The following EEF2 variants were observed in gnomAD, a reference collection of about 807,000 sequenced individuals.
EEF2 encodes the protein eukaryotic translation elongation factor 2, also known as elongation factor 2.
Under a neutral mutation model 85.3 loss-of-function variants are expected in EEF2, and 21 were observed. The observed-to-expected ratio is 0.25, with a 90% CI of 0.17 to 0.35. EEF2 has a LOEUF of 0.35. Among genes scored for constraint, EEF2 ranks in the 10% least tolerant of loss-of-function variants. The probability of loss-of-function intolerance (pLI) is 1.00; values close to 1 mark genes in which losing one functional copy is unlikely to be tolerated. For missense variants in EEF2, 825 were observed against 1,225.3 expected (o/e 0.67, Z 4.88); for synonymous variants, 723 against 508.8 (o/e 1.42, Z -5.67).
At chr19:3,984,569 C>A (rs1266921055) in intron 1 of EEF2, among the ~76,000 whole-genome samples, 1 of 152,152 alleles carries the variant, frequency 6.6e-6, no homozygotes, top group Non-Finnish European at 1.5e-5. Flanking sequence ...GATTGACAAC[C>A]CAGAAATAAA....
chr19:3,980,186 G>A, intron 9 of EEF2, 120 bp from the exon 10 acceptor site: 1 of 1,389,640 alleles, frequency 7.2e-7, no homozygotes, highest in Non-Finnish European at 9.6e-7. Context: ...CAGACTGGTG[G>A]CTTCCACAAG....
chr19:3,985,114 T>G (rs2039803508), intron 1 of EEF2: 1 of 393,134 alleles, frequency 2.5e-6, no homozygotes, highest in African/African-American at 2.1e-5. Flanking sequence ...CACATCATCA[T>G]TCCCCACCCC....
Position 3,977,370 on chromosome 19 carries a change from T to C in EEF2, c.2251-23A>G. The C allele has an allele frequency of 2.5e-6, 4 of 1,591,064 alleles. No homozygotes were observed. Among genetic ancestry groups the C allele is most frequent in the Non-Finnish European group, 1.7e-6 (2 of 1,169,344 alleles). On this transcript the variant is annotated intron_variant, in intron 13 of 14. Transcript: ENST00000309311. This position sits in a 1 kb window ranked among gnomAD's most constrained non-coding sequence, Gnocchi z 5.4. ...ACACTGCCAGAAGGGAAAGAAAACC[T>C]GTCAGTGGCCGCTGGGCAGGACGGT... is the stretch of plus-strand genomic sequence containing the variant.
Position 3,979,407 on chromosome 19 carries a change from GATA to G in EEF2, c.1632_1634del (p.Ile546del). 6.2e-7 allele frequency: 1 copy of G among 1,613,936 alleles called. No individual in the cohort carries two copies. The highest frequency in any genetic ancestry group is 8.5e-7 in the Non-Finnish European group (1 of 1,180,018). On this transcript the variant is annotated inframe_deletion, in exon 11 of 15. Coordinates refer to ENST00000309311, the MANE Select transcript of EEF2 (RefSeq NM_001961.4). The stretch of plus-strand genomic sequence containing the variant: ...GGTGCAGCTCGCCGGCGCCCGCGAT[GATA>G]TGCTCTCCCGACTCCTCGATGATGC...
At position 3,978,072 on chromosome 19, in the gene EEF2, T is replaced by C; in HGVS notation, c.1814A>G (p.Lys605Arg). ...CAGGCCGTCGGGGAAGGGCCGCGCC[T>C]TCATGTACAGCCGGTTGTGCTTGTT... ...SPNKHNRLYM[K>R]ARPFPDGLAE... is the part of the protein sequence containing the mutation. The change falls in exon 12 of 15, where the codon AAG becomes AGG. Residue 605 changes from lysine (K) to arginine (R), a missense_variant. By Grantham distance (26) the Lys-to-Arg change is conservative. Coordinates refer to ENST00000309311, the MANE Select transcript of EEF2 (RefSeq NM_001961.4). The C allele has an allele frequency of 6.4e-7, 1 of 1,567,638 alleles. No homozygotes were observed. The highest frequency in any genetic ancestry group is 8.7e-7 in the Non-Finnish European group (1 of 1,151,960).
intron 4 of EEF2, 106 bp downstream of exon 4, chr19:3,982,701 C>T (rs1416745240): frequency 5.3e-6 from 7 of 1,314,804 alleles, no homozygotes; most frequent in Non-Finnish European, 2.1e-6. Flanking sequence ...ACCCAACATT[C>T]CTGGCAAAAA....
chr19:3,976,299 G>T lies in EEF2; in HGVS notation c.*255C>A, dbSNP rs1377422013. On this transcript the variant is annotated 3_prime_UTR_variant, in exon 15 of 15. Coordinates refer to ENST00000309311, the MANE Select transcript of EEF2 (RefSeq NM_001961.4). ...GAAAAAGTGTTGGGTGTCCCATCCC[G>T]CCTCCCCCTCCCCGACCGGCCCATT... is the stretch of plus-strand genomic sequence containing the variant. 3 of 219,898 alleles carry T rather than the reference G, an allele frequency of 1.4e-5. No homozygotes were observed. The highest frequency in any genetic ancestry group is 4.5e-5 in the South Asian group (1 of 22,086). 13.6% of individuals were successfully genotyped at this position (219,898 alleles called of 1,614,324 possible). A position where few individuals can be genotyped will look rare whatever the true frequency, so the allele number is the denominator to read the frequency against.
chr19:3,980,085 G>T lies in EEF2; in HGVS notation c.1347-19C>A, dbSNP rs200161739. 2.5e-6 allele frequency: 4 copies of T among 1,607,392 alleles called. No homozygotes were observed. The highest frequency in any genetic ancestry group is 3.4e-6 in the Non-Finnish European group (4 of 1,176,886). The stretch of plus-strand genomic sequence containing the variant: ...GATTGTTCTGGAAGAAGCAGAAGGC[G>T]GCAGCAGGCCGCAGGGATGGTTGTG... On this transcript the variant is annotated intron_variant, in intron 9 of 14. Transcript: ENST00000309311.
intron 1 of EEF2, chr19:3,984,896 T>A (rs996760617): frequency 1.8e-5 from 3 of 168,546 alleles, no homozygotes; most frequent in African/African-American, 7.1e-5. Context: ...GAAGGACAAG[T>A]GCCTAAGGTC....
rs370449342 is a variant in EEF2 at position 3,977,792 on chromosome 19, G to A, written c.2067+27C>T. On this transcript the variant is annotated intron_variant, in intron 12 of 14. Transcript: ENST00000309311. The surrounding 1 kb of genome is among the most constrained non-coding windows in gnomAD (Gnocchi z 5.4). The stretch of plus-strand genomic sequence containing the variant: ...CCTCTAGAGCCTGGAAACGGGTGTG[G>A]TCTGCACATGCTGAGCCGTGCCTCA... The A allele has an allele frequency of 6.4e-7, 1 of 1,554,632 alleles. No homozygotes were observed.
chr19:3,978,914 GATCGAGACC>G lies in EEF2; in HGVS notation c.1713+406_1713+414del, dbSNP rs2039710209. Among the ~76,000 whole-genome samples, 4 of 150,796 alleles carry G rather than the reference GATCGAGACC, an allele frequency of 2.7e-5. No individual in the cohort carries two copies. The South Asian group carries it at 8.4e-4, about 32-fold the overall frequency. On this transcript the variant is annotated intron_variant, in intron 11 of 14. Transcript: ENST00000309311. ...AGGCAGGGGGATCACGAGGTCAGGA[GATCGAGACC>G]ATCTTGACTTACTAACACAGTGAAA...
intron 7 of EEF2, 57 bp from the exon 8 acceptor site, chr19:3,981,036 C>G (rs758715777): frequency 4.6e-6 from 7 of 1,530,168 alleles, no homozygotes; most frequent in Non-Finnish European, 5.3e-6. Flanking sequence ...TGGCCCCACC[C>G]CGTACACGCT....
chr19:3,983,499 G>A (rs145418216), intron 2 of EEF2, among the ~76,000 whole-genome samples: 4 of 152,148 alleles, frequency 2.6e-5, no homozygotes, highest in Non-Finnish European at 5.9e-5. Context: ...CCCATAGCCA[G>A]ATCCTCAGAG....
At chr19:3,979,696 CATGACCAGT>C in intron 10 of EEF2, 103 bp downstream of exon 10, 1 of 1,482,958 alleles carries the variant, frequency 6.7e-7, no homozygotes, top group Non-Finnish European at 9.1e-7. Flanking sequence ...CCCCTCCTTT[CATGACCAGT>C]CACCCCAATC....
At chr19:3,978,548 G>C (rs1282699720) in intron 11 of EEF2, among the ~76,000 whole-genome samples, 1 of 152,186 alleles carries the variant, frequency 6.6e-6, no homozygotes, top group African/African-American at 2.4e-5. Flanking sequence ...GCTCACGCCT[G>C]TAATCCCAGC....
Position 3,981,447 on chromosome 19 carries a change from A to T in EEF2, c.903T>A (p.Phe301Leu). ...QLILDPIFKVFDAIMNFKKEE... is the reference protein window; with the variant it reads ...QLILDPIFKVLDAIMNFKKEE... ...CTTTCTTGAAATTCATGATCGCATCAAACACCTACATTCCCCACCAAGAAA... is the reference window on the plus strand; with the variant it reads ...CTTTCTTGAAATTCATGATCGCATCTAACACCTACATTCCCCACCAAGAAA... The change falls in exon 7 of 15, where the codon TTT becomes TTA. Residue 301 changes from phenylalanine to leucine, a missense_variant. Phe to Leu is a conservative substitution (Grantham distance 22). Transcript: ENST00000309311. The T allele has an allele frequency of 6.2e-7, 1 of 1,613,688 alleles. No homozygotes were observed. The highest frequency in any genetic ancestry group is 8.5e-7 in the Non-Finnish European group (1 of 1,179,760).
chr19:3,983,155 G>C lies in EEF2; in HGVS notation c.355C>G (p.Leu119Val). The C allele has an allele frequency of 1.2e-6, 2 of 1,614,116 alleles. No homozygotes were observed. Among genetic ancestry groups the C allele is most frequent in the Non-Finnish European group, 1.7e-6 (2 of 1,180,006 alleles). The change falls in exon 3 of 15, where the codon CTC becomes GTC. Residue 119 changes from leucine (L) to valine (V), a missense_variant. Leu to Val is a conservative substitution (Grantham distance 32). Coordinates refer to ENST00000309311, the MANE Select transcript of EEF2 (RefSeq NM_001961.4). ...ACCAATGCGCCATCGGTGACTCGGAGGGCAGCAGTCACCTCCGAGGAGAAG... is the reference window on the plus strand; with the variant it reads ...ACCAATGCGCCATCGGTGACTCGGACGGCAGCAGTCACCTCCGAGGAGAAG... ...VDFSSEVTAA[L>V]RVTDGALVVV... is the part of the protein sequence containing the mutation.
At chr19:3,983,470 G>C (rs2039780679) in intron 2 of EEF2, among the ~76,000 whole-genome samples, 179 bp from the exon 3 acceptor site, 1 of 151,998 alleles carries the variant, frequency 6.6e-6, no homozygotes, top group Non-Finnish European at 1.5e-5. Flanking sequence ...CCCCATGACA[G>C]GGAACTCCTG....
Position 3,976,322 on chromosome 19 carries a change from A to G in EEF2, c.*232T>C, listed in dbSNP as rs1036859573. 6.0e-5 allele frequency: 15 copies of G among 250,344 alleles called. No homozygotes were observed. The highest frequency in any genetic ancestry group is 3.7e-4 in the African/African-American group (15 of 40,330). 15.5% of individuals were successfully genotyped at this position (250,344 alleles called of 1,614,324 possible). On this transcript the variant is annotated 3_prime_UTR_variant, in exon 15 of 15. Coordinates refer to ENST00000309311, the MANE Select transcript of EEF2 (RefSeq NM_001961.4). ...CCGCCTCCCCCTCCCCGACCGGCCC[A>G]TTAAGTCCCTACTAAGAGGGCGTGT... is the stretch of plus-strand genomic sequence containing the variant.
Sources: gnomAD v4.1 joint callset for allele counts (sites outside exome capture counted in the v4.1 genomes callset) on GRCh38, gnomAD v4.1.1 for gene constraint, Gnocchi (gnomAD v3.1) non-coding constraint, MANE v1.5 for transcripts, NCBI Gene and HGNC (gene_info 2026-07-23, HGNC 2026-07-21) for gene names.